Variants in CDH22 observed in about 807,000 individuals in gnomAD.
The protein encoded by CDH22 is cadherin 22.
A neutral mutation model predicts 58.4 loss-of-function variants in CDH22; 30 were observed. The observed-to-expected ratio is 0.51, with a 90% confidence interval of 0.38 to 0.70. The LOEUF is 0.70. Among genes scored for constraint, CDH22 ranks in the 30% least tolerant of loss-of-function variants. The pLI is 0.00. For missense variants in CDH22, 1,014 were observed against 1,233.9 expected (o/e 0.82, Z 2.67); for synonymous variants, 513 against 558.2 (o/e 0.92, Z 1.14).
intron 6 of CDH22, among the ~76,000 whole-genome samples, chr20:46,212,352 G>C (rs543496644): frequency 7.4e-4 from 113 of 152,322 alleles, no homozygotes; most frequent in African/African-American, 2.6e-3. Flanking sequence ...GGTCGGAGTG[G>C]GTGGTCTTAA....
intron 8 of CDH22, among the ~76,000 whole-genome samples, chr20:46,191,468 G>GT (rs2085861693): frequency 6.6e-6 from 1 of 152,172 alleles, no homozygotes; most frequent in Non-Finnish European, 1.5e-5. Flanking sequence ...GACGGGGCCT[G>GT]GCCTGGTGCC....
At chr20:46,281,798 G>A (rs2086552083) in intron 1 of CDH22, among the ~76,000 whole-genome samples, 1 of 152,240 alleles carries the variant, frequency 6.6e-6, no homozygotes, top group African/African-American at 2.4e-5. Context: ...GGGAAAGGCA[G>A]GAATATGGAC....
At chr20:46,245,229 G>A (rs1436516006) in intron 2 of CDH22, among the ~76,000 whole-genome samples, 3 of 152,074 alleles carry the variant, frequency 2.0e-5, no homozygotes, top group African/African-American at 7.2e-5. Flanking sequence ...GAGATCCAGG[G>A]GCCATGATCC....
chr20:46,224,105 G>A (rs564967219), intron 4 of CDH22, among the ~76,000 whole-genome samples: 7 of 152,240 alleles, frequency 4.6e-5, no homozygotes, highest in African/African-American at 7.2e-5. Flanking sequence ...CACCCGCTTC[G>A]GCCTCCCAAA....
intron 1 of CDH22, among the ~76,000 whole-genome samples, chr20:46,291,619 T>A (rs2086603461): frequency 6.6e-6 from 1 of 152,248 alleles, no homozygotes; most frequent in African/African-American, 2.4e-5. Context: ...ATAGGTGCTC[T>A]TGTTACGGCC....
chr20:46,248,773 C>T (rs780020741), intron 2 of CDH22, among the ~76,000 whole-genome samples: 10 of 152,082 alleles, frequency 6.6e-5, no homozygotes, highest in East Asian at 1.9e-4. Context: ...ATCGTGTCAC[C>T]GCACTCCAGC....
chr20:46,272,795 A>G (rs1040372239), intron 1 of CDH22, among the ~76,000 whole-genome samples: 4 of 152,186 alleles, frequency 2.6e-5, no homozygotes, highest in Non-Finnish European at 5.9e-5. Flanking sequence ...GTTTGCTCAC[A>G]TTGTACTGCC....
In CDH22 at chr20:46,190,569, ATTAGT is replaced by A. The variant is rs1484235581; in HGVS notation, c.1424-3627_1424-3623del. 3.3e-5 allele frequency among the ~76,000 whole-genome samples: 5 copies of A among 152,236 alleles called. No homozygotes were observed. In the East Asian group the frequency reaches 9.6e-4, roughly 29 times the overall value. ...TTCAGTTCAGCTGACTGACATGCAA[ATTAGT>A]TTAATTATTTCTTCTTCTAAAATAA... On this transcript the variant is annotated intron_variant, in intron 8 of 11. Transcript: ENST00000537909.
At chr20:46,201,860 G>C (rs2085963957) in intron 7 of CDH22, among the ~76,000 whole-genome samples, 1 of 152,116 alleles carries the variant, frequency 6.6e-6, no homozygotes, top group East Asian at 1.9e-4. Context: ...TTCCTCCCTA[G>C]CATGCACCTA....
chr20:46,177,988 C>G lies in CDH22; in HGVS notation c.1873G>C (p.Gly625Arg), dbSNP rs35412957. The change falls in exon 11 of 12, where the codon GGC (glycine) becomes CGC (arginine). Residue 625 changes from glycine (G) to arginine (R), a missense_variant. Gly to Arg is a moderately radical substitution (Grantham distance 125). This residue lies in a region of CDH22 where 806 missense variants were observed against 1,038.7 expected (regional missense o/e 0.78). Transcript: ENST00000537909. ...AFVMAASLSP[G>R]ALIALLVCVL... ...CAGACCAAGAGGGCGATGAGGGCGC[C>G]GGGGCTGAGGGAGGCGGCCATGACA... The G allele has an allele frequency of 9.2e-5, 149 of 1,613,934 alleles. 5 individuals carry two copies. The Middle Eastern group carries it at 9.7e-3, about 105-fold the overall frequency.
At chr20:46,306,864 G>A (rs966074944) in intron 1 of CDH22, among the ~76,000 whole-genome samples, 6 of 152,188 alleles carry the variant, frequency 3.9e-5, no homozygotes, top group Non-Finnish European at 8.8e-5. Context: ...ACACATATAC[G>A]GGATACAAAT....
At chr20:46,188,314 T>C (rs945511297) in intron 8 of CDH22, among the ~76,000 whole-genome samples, 6 of 152,190 alleles carry the variant, frequency 3.9e-5, no homozygotes, top group African/African-American at 1.4e-4. Flanking sequence ...CCAGCTCTGC[T>C]GTTTTATGTC....
intron 1 of CDH22, among the ~76,000 whole-genome samples, chr20:46,252,664 C>T (rs186329721): frequency 2.6e-5 from 4 of 152,378 alleles, no homozygotes; most frequent in Admixed American, 1.3e-4. Flanking sequence ...CCCAGTTCAG[C>T]TCAGTTCAAC....
intron 1 of CDH22, among the ~76,000 whole-genome samples, chr20:46,303,521 G>A (rs979898892): frequency 7.2e-5 from 11 of 152,128 alleles, no homozygotes; most frequent in Non-Finnish European, 1.5e-4. Flanking sequence ...ACATAGTAAT[G>A]CTTTATATGT....
chr20:46,233,416 T>C lies in CDH22; in HGVS notation c.551-5789A>G, dbSNP rs943702206. 2.0e-5 allele frequency among the ~76,000 whole-genome samples: 3 copies of C among 152,224 alleles called. No homozygotes were observed. The South Asian group carries it at 6.2e-4, about 32-fold the overall frequency. ...TCTCAACATTTACCAGGCCCTCTGT[T>C]ATGCAATCTAGTGACTTTGTTTGTT... is the stretch of plus-strand genomic sequence containing the variant. On this transcript the variant is annotated intron_variant, in intron 3 of 11. Transcript: ENST00000537909.
At chr20:46,211,290 G>A (rs2086041500) in intron 6 of CDH22, among the ~76,000 whole-genome samples, 1 of 152,224 alleles carries the variant, frequency 6.6e-6, no homozygotes, top group African/African-American at 2.4e-5. Flanking sequence ...GCTACATGGT[G>A]GGGGAGCGAT....
Position 46,267,962 on chromosome 20 carries a change from G to C in CDH22, c.-399-16269C>G, listed in dbSNP as rs543696282. Among the ~76,000 whole-genome samples, 22 of 152,364 alleles carry C rather than the reference G, an allele frequency of 1.4e-4. No homozygotes were observed. The South Asian group carries it at 4.6e-3, about 32-fold the overall frequency. Reference sequence around the variant, plus strand: ...GAAGTTGAACTGTGAAGCTCTCTCAGCAGGGGCCTCAGCTGCTCCCACAGG... The same window carrying C: ...GAAGTTGAACTGTGAAGCTCTCTCACCAGGGGCCTCAGCTGCTCCCACAGG... On this transcript the variant is annotated intron_variant, in intron 1 of 11. Coordinates refer to ENST00000537909, the MANE Select transcript of CDH22 (RefSeq NM_021248.3).
rs141601906 is a variant in CDH22 at position 46,239,205 on chromosome 20, G to A, written c.550+1758C>T. On this transcript the variant is annotated intron_variant, in intron 3 of 11. Transcript: ENST00000537909. Reference sequence around the variant, plus strand: ...GCCTTTTCACTGCTGTGTTCCCAGGGCCTAGCATGTAGTATGCACTCAATA... The same window carrying A: ...GCCTTTTCACTGCTGTGTTCCCAGGACCTAGCATGTAGTATGCACTCAATA... Among the ~76,000 whole-genome samples the A allele has an allele frequency of 1.1e-3, 166 of 152,292 alleles. 1 individual carries two copies. The highest frequency in any genetic ancestry group is 1.2e-3 in the Non-Finnish European group (84 of 68,030).
chr20:46,232,383 C>G (rs1294344381), intron 3 of CDH22, among the ~76,000 whole-genome samples: 1 of 152,146 alleles, frequency 6.6e-6, no homozygotes, highest in Non-Finnish European at 1.5e-5. Context: ...GGCCTCAGTT[C>G]CCCTTCTGTA....
Sources: gnomAD v4.1 joint callset for allele counts (sites outside exome capture counted in the v4.1 genomes callset) on GRCh38, gnomAD v4.1.1 for gene constraint, gnomAD v4.1.1 regional missense constraint, MANE v1.5 for transcripts, NCBI Gene and HGNC (gene_info 2026-07-23, HGNC 2026-07-21) for gene names.